The following LSAMP variants were observed in gnomAD, a reference collection of about 807,000 sequenced individuals.
The protein encoded by LSAMP is limbic system associated membrane protein.
In LSAMP, 7 loss-of-function variants were observed where a neutral mutation model predicts 38.6. The ratio of observed to expected loss-of-function variants is 0.18; its 90% CI spans 0.10 to 0.34. LSAMP has a LOEUF of 0.34. Among genes scored for constraint, LSAMP ranks in the 10% least tolerant of loss-of-function variants. LSAMP has a pLI of 1.00. For synonymous variants in LSAMP, 154 were observed against 166.8 expected (o/e 0.92, Z 0.59); for missense variants, 313 against 420.0 (o/e 0.75, Z 2.23).
At chr3:116,294,382 G>A (rs973601094) in intron 1 of LSAMP, among the ~76,000 whole-genome samples, 4 of 151,992 alleles carry the variant, frequency 2.6e-5, no homozygotes, top group African/African-American at 7.3e-5. Context: ...GTTTACTAAA[G>A]GATTTGAATG....
intron 1 of LSAMP, among the ~76,000 whole-genome samples, chr3:116,125,676 T>C (rs1254558576): frequency 6.6e-6 from 1 of 152,176 alleles, no homozygotes; most frequent in Non-Finnish European, 1.5e-5. Context: ...AACTGGTTCC[T>C]AGAAATTTTG....
intron 2 of LSAMP, among the ~76,000 whole-genome samples, chr3:116,031,336 T>A (rs1576320004): frequency 6.6e-6 from 1 of 151,960 alleles, no homozygotes; most frequent in Non-Finnish European, 1.5e-5. Context: ...AGATCAACCA[T>A]GTTTTCTTGT....
intron 1 of LSAMP, among the ~76,000 whole-genome samples, chr3:116,230,974 C>T (rs1299271668): frequency 6.6e-6 from 1 of 152,026 alleles, no homozygotes; most frequent in Non-Finnish European, 1.5e-5. Context: ...AAATTTTCTC[C>T]TGACTCTTTT....
At position 115,806,365 on chromosome 3, in the gene LSAMP, G is replaced by A. The variant is rs75333748; in HGVS notation, c.*3952C>T. 911 of 151,944 alleles carry A rather than the reference G, an allele frequency of 6.0e-3. 6 individuals are homozygous for A. Among genetic ancestry groups the A allele is most frequent in the African/African-American group, 0.02 (841 of 41,414 alleles). The allele number at this position is 151,944 out of a possible 1,614,324, so 9.4% of individuals were successfully genotyped here. A position where few individuals can be genotyped will look rare whatever the true frequency, so the allele number is the denominator to read the frequency against. On this transcript the variant is annotated 3_prime_UTR_variant, in exon 7 of 7. Transcript: ENST00000490035. ...TATTATTGTTTTCCACAAATAATTC[G>A]AGCCCTGCAAAGAACAAAATGAAAA...
At chr3:115,835,786 T>A (rs1021586635) in intron 6 of LSAMP, among the ~76,000 whole-genome samples, 4 of 152,232 alleles carry the variant, frequency 2.6e-5, no homozygotes, top group African/African-American at 7.2e-5. Context: ...GCTGAAGTTG[T>A]CACTTAAATA....
chr3:115,880,902 G>T lies in LSAMP; in HGVS notation c.515-28285C>A, dbSNP rs980667023. ...AATACAAAAAAATGAGCCAGGTGTG[G>T]TAGCGGGCACCTGTAATCCCAGCTA... On this transcript the variant is annotated intron_variant, in intron 3 of 6. Coordinates refer to ENST00000490035, the MANE Select transcript of LSAMP (RefSeq NM_002338.5). 2.0e-5 allele frequency among the ~76,000 whole-genome samples: 3 copies of T among 152,144 alleles called. No homozygotes were observed. In the East Asian group the frequency reaches 5.8e-4, roughly 29 times the overall value.
At chr3:116,151,658 C>A (rs1576395603) in intron 1 of LSAMP, among the ~76,000 whole-genome samples, 1 of 151,928 alleles carries the variant, frequency 6.6e-6, no homozygotes, top group Non-Finnish European at 1.5e-5. Context: ...TGCTATTGAA[C>A]CTTGAGTGAA....
chr3:115,894,739 T>C (rs1936686322), intron 3 of LSAMP, among the ~76,000 whole-genome samples: 1 of 151,868 alleles, frequency 6.6e-6, no homozygotes, highest in South Asian at 2.1e-4. Context: ...GCAGGAAAAA[T>C]TTAAAATCAA....
chr3:116,263,126 C>A (rs2046847375), intron 1 of LSAMP, among the ~76,000 whole-genome samples: 1 of 152,072 alleles, frequency 6.6e-6, no homozygotes, highest in Non-Finnish European at 1.5e-5. Flanking sequence ...TAGCGTGGGA[C>A]CACTTGTTTA....
intron 1 of LSAMP, among the ~76,000 whole-genome samples, chr3:116,144,096 A>C (rs771230020): frequency 3.0e-4 from 45 of 151,940 alleles, no homozygotes; most frequent in Non-Finnish European, 5.2e-4. Context: ...AAGTCATTGC[A>C]TTTTTATCAG....
At chr3:116,246,020 A>T (rs1182059268) in intron 1 of LSAMP, among the ~76,000 whole-genome samples, 1 of 152,190 alleles carries the variant, frequency 6.6e-6, no homozygotes, top group Non-Finnish European at 1.5e-5. Context: ...AATTAGAAGA[A>T]ATCTCAGCAG....
At chr3:116,279,763 A>G (rs1306379436) in intron 1 of LSAMP, among the ~76,000 whole-genome samples, 3 of 152,172 alleles carry the variant, frequency 2.0e-5, no homozygotes, top group South Asian at 4.1e-4. Flanking sequence ...CAACATAAAA[A>G]TGTCATTGAA....
intron 1 of LSAMP, among the ~76,000 whole-genome samples, chr3:116,366,979 A>G (rs1449032643): frequency 6.6e-6 from 1 of 152,176 alleles, no homozygotes; most frequent in Non-Finnish European, 1.5e-5. Flanking sequence ...TTTAGGAGTA[A>G]GACAGCTGGT....
At chr3:116,066,519 A>G (rs1707432178) in intron 2 of LSAMP, among the ~76,000 whole-genome samples, 1 of 152,186 alleles carries the variant, frequency 6.6e-6, no homozygotes, top group South Asian at 2.1e-4. Context: ...CATTTGTTGA[A>G]AAATTACCCC....
chr3:115,934,140 G>A (rs1937626930), intron 3 of LSAMP, among the ~76,000 whole-genome samples: 1 of 151,574 alleles, frequency 6.6e-6, no homozygotes, highest in African/African-American at 2.4e-5. Context: ...CAAATGTATA[G>A]TTGATGTGGT....
At chr3:115,913,227 C>G (rs138740547) in intron 3 of LSAMP, among the ~76,000 whole-genome samples, 375 of 152,296 alleles carry the variant, frequency 2.5e-3, no homozygotes, top group African/African-American at 8.6e-3. Context: ...GAGAAAAAAA[C>G]TGGTCTTTAT....
chr3:115,914,655 T>G (rs903374334), intron 3 of LSAMP, among the ~76,000 whole-genome samples: 10 of 152,184 alleles, frequency 6.6e-5, no homozygotes, highest in Admixed American at 3.3e-4. Context: ...TCTTATTATA[T>G]TTCTTTCTTT....
chr3:116,369,658 C>T (rs756137383), intron 1 of LSAMP, among the ~76,000 whole-genome samples: 10 of 152,156 alleles, frequency 6.6e-5, no homozygotes, highest in African/African-American at 2.2e-4. Context: ...ACTGGAATTA[C>T]GTCTCTCCCA....
chr3:115,997,719 T>C (rs1447899954), intron 3 of LSAMP, among the ~76,000 whole-genome samples: 3 of 45,506 alleles, frequency 6.6e-5, no homozygotes, highest in Admixed American at 4.8e-4. Context: ...TTGGGATATA[T>C]ATATATATAT....
Sources: allele counts gnomAD v4.1 joint callset (sites outside exome capture counted in the v4.1 genomes callset), GRCh38; gene constraint gnomAD v4.1.1; transcripts MANE v1.5; gene names NCBI Gene and HGNC (gene_info 2026-07-23, HGNC 2026-07-21).